The following TMEM192 variants were observed in gnomAD, a reference collection of about 807,000 sequenced individuals.
TMEM192 encodes the protein transmembrane protein 192.
A neutral mutation model predicts 26.7 loss-of-function variants in TMEM192; 20 were observed. That is an observed-to-expected ratio of 0.75 (90% confidence interval 0.53 to 1.09). The LOEUF is 1.09. Among genes scored for constraint, TMEM192 ranks in the 50% least tolerant of loss-of-function variants. TMEM192 has a pLI of 0.00. For synonymous variants in TMEM192, 124 were observed against 121.0 expected (o/e 1.02, Z -0.16); for missense variants, 304 against 322.6 (o/e 0.94, Z 0.44).
chr4:165,084,466 T>C (rs1734563340), intron 5 of TMEM192, among the ~76,000 whole-genome samples: 1 of 151,814 alleles, frequency 6.6e-6, no homozygotes, highest in East Asian at 2.0e-4. Flanking sequence ...CCGAAAGTGC[T>C]GGGATTACAG....
At chr4:165,088,653 G>C (rs936174370) in intron 3 of TMEM192, 51 bp from the exon 4 acceptor site, 3 of 1,537,624 alleles carry the variant, frequency 2.0e-6, no homozygotes, top group Admixed American at 1.9e-5. Flanking sequence ...TACATATATG[G>C]TCTTTGTCCA....
At chr4:165,109,820 A>C (rs148300198) in intron 1 of TMEM192, among the ~76,000 whole-genome samples, 17 of 152,278 alleles carry the variant, frequency 1.1e-4, no homozygotes, top group African/African-American at 4.1e-4. Context: ...CCTTTTTCAG[A>C]ATTCTATGCA....
rs139223978 is a variant in TMEM192 at position 165,072,488 on chromosome 4, C to T, written c.*7170G>A. On this transcript the variant is annotated 3_prime_UTR_variant, in exon 6 of 6. Transcript: ENST00000306480. ...AAGAGAATCACTTGAACCTGGGAGG[C>T]GGAGGTTGCAGTGAGCCCAGATCGC... 0.036 allele frequency: 5,404 copies of T among 149,052 alleles called. 119 individuals carry two copies. The highest frequency in any genetic ancestry group is 0.15 in the Middle Eastern group (42 of 282). The allele number at this position is 149,052 out of a possible 1,614,324, so 9.2% of individuals were successfully genotyped here.
chr4:165,111,345 C>G (rs948026505), intron 1 of TMEM192, among the ~76,000 whole-genome samples: 12 of 152,144 alleles, frequency 7.9e-5, no homozygotes, highest in African/African-American at 1.2e-4. Context: ...CTGCCTGCCT[C>G]GGCCTCCCAA....
chr4:165,091,762 A>G (rs139685075), intron 3 of TMEM192, among the ~76,000 whole-genome samples: 49 of 152,354 alleles, frequency 3.2e-4, no homozygotes, highest in African/African-American at 1.1e-3. Context: ...AAACTTAGGA[A>G]TGATTTTTTG....
chr4:165,103,026 G>T lies in TMEM192; in HGVS notation c.98C>A (p.Ser33Ter), dbSNP rs1460462246. The T allele has an allele frequency of 6.2e-7, 1 of 1,613,670 alleles. No individual in the cohort carries two copies. Among genetic ancestry groups the T allele is most frequent in the Non-Finnish European group, 8.5e-7 (1 of 1,179,824 alleles). The stretch of plus-strand genomic sequence containing the variant: ...TCGGGGTCTAAAGTGAGCTTGTAAT[G>T]AGTGGTGTGGGAGAAGCTGGGCATC... ...LLDAQLLPHH[S>*]LQAHFRPRFH... Residue 33 changes from serine to a stop codon, truncating the protein, a stop_gained, in exon 2 of 6, where the codon TCA becomes TAA. Transcript: ENST00000306480. LOFTEE classifies it high-confidence loss of function.
chr4:165,101,836 A>G (rs143362161), intron 2 of TMEM192, among the ~76,000 whole-genome samples: 160 of 152,316 alleles, frequency 1.1e-3, no homozygotes, highest in African/African-American at 3.5e-3. Flanking sequence ...GAGGAATCCC[A>G]GCTGCAGGGG....
In TMEM192 at chr4:165,103,006, G is replaced by A. The variant is rs752662010; in HGVS notation, c.118C>T (p.Pro40Ser). The change falls in exon 2 of 6, where the codon CCC becomes TCC. Residue 40 changes from proline to serine, a missense_variant. Coordinates refer to ENST00000306480, the MANE Select transcript of TMEM192 (RefSeq NM_001100389.2). Reference sequence around the variant, plus strand: ...ACTGTAGGAAGAGGATGGAATCGGGGTCTAAAGTGAGCTTGTAATGAGTGG... The same window carrying A: ...ACTGTAGGAAGAGGATGGAATCGGGATCTAAAGTGAGCTTGTAATGAGTGG... ...PHHSLQAHFRPRFHPLPTVII... is the reference protein window; with the variant it reads ...PHHSLQAHFRSRFHPLPTVII... The A allele has an allele frequency of 6.2e-7, 1 of 1,613,596 alleles. No homozygotes were observed. Among genetic ancestry groups the A allele is most frequent in the Admixed American group, 1.7e-5 (1 of 59,894 alleles).
intron 3 of TMEM192, among the ~76,000 whole-genome samples, chr4:165,099,102 C>CTTTTTTTTT (rs1160535314): frequency 7.9e-6 from 1 of 126,194 alleles, no homozygotes; most frequent in Non-Finnish European, 1.6e-5. Context: ...TTTTTTCTTT[C>CTTTTTTTTT]TTTTTTTTTT....
At chr4:165,092,569 T>C (rs1159529563) in intron 3 of TMEM192, among the ~76,000 whole-genome samples, 4 of 152,202 alleles carry the variant, frequency 2.6e-5, no homozygotes, top group African/African-American at 4.8e-5. Context: ...CATTTTAAAC[T>C]CTTTTTGCAC....
At chr4:165,097,146 A>G (rs1363527505) in intron 3 of TMEM192, among the ~76,000 whole-genome samples, 1 of 152,082 alleles carries the variant, frequency 6.6e-6, no homozygotes, top group African/African-American at 2.4e-5. Flanking sequence ...ATAGCCCTTC[A>G]GCTTCCACTG....
In TMEM192 at chr4:165,084,549, C is replaced by T. The variant is rs1480973598; in HGVS notation, c.677+1037G>A. Among the ~76,000 whole-genome samples, 3 of 152,012 alleles carry T rather than the reference C, an allele frequency of 2.0e-5. No individual in the cohort carries two copies. The East Asian group carries it at 5.8e-4, about 29-fold the overall frequency. On this transcript the variant is annotated intron_variant, in intron 5 of 5. Transcript: ENST00000306480. ...ATATTCTTATGTCTGTTGCTATCCACTTCAGATGATGTTAAGGAATAACTC... is the reference window on the plus strand; with the variant it reads ...ATATTCTTATGTCTGTTGCTATCCATTTCAGATGATGTTAAGGAATAACTC...
At chr4:165,098,274 G>A (rs907509370) in intron 3 of TMEM192, among the ~76,000 whole-genome samples, 7 of 151,550 alleles carry the variant, frequency 4.6e-5, no homozygotes, top group South Asian at 2.1e-4. Context: ...ACAGTTGCCC[G>A]CCACCACGTT....
intron 2 of TMEM192, among the ~76,000 whole-genome samples, chr4:165,101,264 C>T (rs1286779537): frequency 1.3e-5 from 2 of 152,168 alleles, no homozygotes; most frequent in African/African-American, 4.8e-5. Flanking sequence ...GTGTGAGCCA[C>T]CGCACCCGGC....
intron 3 of TMEM192, among the ~76,000 whole-genome samples, chr4:165,099,823 C>G (rs1734997192): frequency 6.6e-6 from 1 of 152,110 alleles, no homozygotes; most frequent in African/African-American, 2.4e-5. Context: ...GTGGCATGCA[C>G]CTGTAGTCTC....
At chr4:165,085,174 G>A (rs1221436016) in intron 5 of TMEM192, among the ~76,000 whole-genome samples, 1 of 151,236 alleles carries the variant, frequency 6.6e-6, no homozygotes, top group South Asian at 2.1e-4. Flanking sequence ...CTGGGAGGCT[G>A]AGGCAGGAGA....
Position 165,087,859 on chromosome 4 carries a change from G to A in TMEM192, c.574+609C>T, listed in dbSNP as rs187266286. Among the ~76,000 whole-genome samples the A allele has an allele frequency of 3.4e-3, 516 of 152,252 alleles. 5 individuals carry two copies. The Middle Eastern group carries it at 0.034, about 10-fold the overall frequency. On this transcript the variant is annotated intron_variant, in intron 4 of 5. Transcript: ENST00000306480. ...TATTTCTTAATTTTTAATTTTAAATGCAAGCTGACATTTCAGCTGCCTTCA... is the reference window on the plus strand; with the variant it reads ...TATTTCTTAATTTTTAATTTTAAATACAAGCTGACATTTCAGCTGCCTTCA...
chr4:165,076,047 A>C lies in TMEM192; in HGVS notation c.*3611T>G, dbSNP rs1254442704. 6.6e-6 allele frequency: 1 copy of C among 151,966 alleles called. No individual in the cohort carries two copies. Among genetic ancestry groups the C allele is most frequent in the African/African-American group, 2.4e-5 (1 of 41,412 alleles). The allele number at this position is 151,966 out of a possible 1,614,324, so 9.4% of individuals were successfully genotyped here. A position where few individuals can be genotyped will look rare whatever the true frequency, so the allele number is the denominator to read the frequency against. ...AGACTAAAAAAAAAAACAAAACAAA[A>C]AAAGTGTACATTGGTATAATCCCTT... On this transcript the variant is annotated 3_prime_UTR_variant, in exon 6 of 6. Coordinates refer to ENST00000306480, the MANE Select transcript of TMEM192 (RefSeq NM_001100389.2).
intron 3 of TMEM192, among the ~76,000 whole-genome samples, chr4:165,091,051 G>T (rs1255403726): frequency 6.6e-6 from 1 of 151,884 alleles, no homozygotes; most frequent in African/African-American, 2.4e-5. Context: ...GGATCACAAG[G>T]CCAGGAGATT....
Sources: gnomAD v4.1 joint callset for allele counts (sites outside exome capture counted in the v4.1 genomes callset) on GRCh38, gnomAD v4.1.1 for gene constraint, MANE v1.5 for transcripts, NCBI Gene and HGNC (gene_info 2026-07-23, HGNC 2026-07-21) for gene names.